Variants in PSMD3 observed in about 807,000 individuals in gnomAD.
PSMD3 encodes 26S proteasome non-ATPase regulatory subunit 3.
Under a neutral mutation model 62.8 loss-of-function variants are expected in PSMD3, and 5 were observed. The ratio of observed to expected loss-of-function variants is 0.08; its 90% CI spans 0.04 to 0.17. The LOEUF is 0.17. Among genes scored for constraint, PSMD3 ranks in the 10% least tolerant of loss-of-function variants. The pLI is 1.00. For missense variants in PSMD3, 524 were observed against 713.6 expected (o/e 0.73, Z 3.03); for synonymous variants, 265 against 283.9 (o/e 0.93, Z 0.67).
chr17:39,988,889 T>G, intron 4 of PSMD3, 70 bp downstream of exon 4: 1 of 1,572,214 alleles, frequency 6.4e-7, no homozygotes, highest in South Asian at 1.1e-5. Context: ...AGCACACAGC[T>G]GTGGATCTGC....
intron 6 of PSMD3, among the ~76,000 whole-genome samples, chr17:39,992,776 G>A (rs576295138): frequency 1.3e-5 from 1 of 76,984 alleles, no homozygotes; most frequent in Non-Finnish European, 3.7e-5. Context: ...TCTCTCAGGC[G>A]GCCGTTCCTG....
At position 39,990,126 on chromosome 17, in the gene PSMD3, G is replaced by A; in HGVS notation, c.910G>A (p.Glu304Lys). The A allele has an allele frequency of 6.2e-7, 1 of 1,614,002 alleles. No individual in the cohort carries two copies. Among genetic ancestry groups the A allele is most frequent in the Non-Finnish European group, 8.5e-7 (1 of 1,179,992 alleles). Residue 304 changes from glutamate to lysine, a missense_variant, in exon 6 of 12, where the codon GAG becomes AAG. Coordinates refer to ENST00000264639, the MANE Select transcript of PSMD3 (RefSeq NM_002809.4). Reference sequence around the variant, plus strand: ...CAAAGCCATCCAGCTGGAGTACTCAGAGGCCCGGAGAACGATGACCAACGC... The same window carrying A: ...CAAAGCCATCCAGCTGGAGTACTCAAAGGCCCGGAGAACGATGACCAACGC... ...RIKAIQLEYS[E>K]ARRTMTNALR... is the part of the protein sequence containing the mutation.
Position 39,980,907 on chromosome 17 carries a change from C to CGGG in PSMD3, c.-62_-61insGGG, listed in dbSNP as rs1568134951. The CGGG allele has an allele frequency of 1.4e-6, 2 of 1,380,448 alleles. No homozygotes were observed. Among genetic ancestry groups the CGGG allele is most frequent in the African/African-American group, 3.0e-5 (2 of 66,712 alleles). 85.5% of individuals were successfully genotyped at this position (1,380,448 alleles called of 1,614,324 possible). ...CAGGCCCGGCTCGGCTCCTGGTCCC[C>CGGG]GGTGCGAGGGTTAACGCGAGGCCCC... On this transcript the variant is annotated 5_prime_UTR_variant, in exon 1 of 12. Coordinates refer to ENST00000264639, the MANE Select transcript of PSMD3 (RefSeq NM_002809.4).
intron 2 of PSMD3, among the ~76,000 whole-genome samples, chr17:39,985,932 T>C (rs1980515373): frequency 6.6e-6 from 1 of 152,220 alleles, no homozygotes; most frequent in South Asian, 2.1e-4. Flanking sequence ...TCCAGTAGTA[T>C]TTGCAGTGGA....
chr17:39,986,778 G>T, intron 3 of PSMD3, 66 bp downstream of exon 3: 3 of 1,556,580 alleles, frequency 1.9e-6, no homozygotes, highest in Non-Finnish European at 2.6e-6. Context: ...GCGGGGAGAT[G>T]GTCCCTGGTG....
chr17:39,984,497 G>A lies in PSMD3; in HGVS notation c.411+13G>A. On this transcript the variant is annotated intron_variant, in intron 2 of 11. Transcript: ENST00000264639. ...CTTCCTGGAAGAGGTGAGTGAGTCA[G>A]GCCAACTTAAAGGGTGCAGGCCTGG... 1 of 1,605,432 alleles carries A rather than the reference G, an allele frequency of 6.2e-7. No individual in the cohort carries two copies. Among genetic ancestry groups the A allele is most frequent in the Non-Finnish European group, 8.5e-7 (1 of 1,173,952 alleles).
chr17:39,997,764 T>TCC lies in PSMD3; in HGVS notation c.*183_*184insCC, dbSNP rs750169932. The TCC allele has an allele frequency of 5.7e-5, 40 of 697,232 alleles. No homozygotes were observed. In the East Asian group the frequency reaches 1.0e-3, roughly 18 times the overall value. The allele number at this position is 697,232 out of a possible 1,614,324, so 43.2% of individuals were successfully genotyped here. A position where few individuals can be genotyped will look rare whatever the true frequency, so the allele number is the denominator to read the frequency against. On this transcript the variant is annotated 3_prime_UTR_variant, in exon 12 of 12. Coordinates refer to ENST00000264639, the MANE Select transcript of PSMD3 (RefSeq NM_002809.4). ...CCAGGGCTCCTCCCCAGCCGGTGACTTACTGTACAGCAGGCAGGAGGGTGG... is the reference window on the plus strand; with the variant it reads ...CCAGGGCTCCTCCCCAGCCGGTGACTCCTACTGTACAGCAGGCAGGAGGGTGG...
intron 1 of PSMD3, among the ~76,000 whole-genome samples, 174 bp downstream of exon 1, chr17:39,981,364 C>T (rs985081108): frequency 1.3e-5 from 2 of 152,214 alleles, no homozygotes; most frequent in Non-Finnish European, 2.9e-5. Flanking sequence ...AATGACTGAA[C>T]CTTCTCTCCA....
chr17:39,992,749 C>T (rs1171533987), intron 6 of PSMD3, among the ~76,000 whole-genome samples: 3 of 150,704 alleles, frequency 2.0e-5, no homozygotes, highest in African/African-American at 7.3e-5. Flanking sequence ...AAGAAAACCC[C>T]CAGCCCTGCT....
At chr17:39,992,546 C>G (rs1980682924) in intron 6 of PSMD3, among the ~76,000 whole-genome samples, 1 of 152,222 alleles carries the variant, frequency 6.6e-6, no homozygotes, top group Non-Finnish European at 1.5e-5. Flanking sequence ...CTGGCTCATC[C>G]TGTTCAAAGC....
In PSMD3 at chr17:39,986,570, C is replaced by T. The variant is rs1385816838; in HGVS notation, c.412-5C>T. ...TTTTCCATGGTAACTTCTGTCCTCTCCTAGCCCATGGACACAGAGGCTGAT... is the reference window on the plus strand; with the variant it reads ...TTTTCCATGGTAACTTCTGTCCTCTTCTAGCCCATGGACACAGAGGCTGAT... On this transcript the variant is annotated splice_region_variant and splice_polypyrimidine_tract_variant and intron_variant, in intron 2 of 11. Coordinates refer to ENST00000264639, the MANE Select transcript of PSMD3 (RefSeq NM_002809.4). 9 of 1,614,088 alleles carry T rather than the reference C, an allele frequency of 5.6e-6. No homozygotes were observed. The highest frequency in any genetic ancestry group is 1.3e-5 in the African/African-American group (1 of 74,934).
chr17:39,996,859 T>TG lies in PSMD3; in HGVS notation c.1477-471_1477-470insG, dbSNP rs1980796752. The TG allele has an allele frequency of 4.5e-6, 2 of 447,824 alleles. No individual in the cohort carries two copies. Among genetic ancestry groups the TG allele is most frequent in the Admixed American group, 5.0e-5 (2 of 40,024 alleles). The allele number at this position is 447,824 out of a possible 1,614,324, so 27.7% of individuals were successfully genotyped here. The stretch of plus-strand genomic sequence containing the variant: ...TTACTATTTGCTTGCCATGTTTTTT[T>TG]CTGGTCTCCTCCGAGGAAACTAGGA... On this transcript the variant is annotated intron_variant, in intron 10 of 11. Coordinates refer to ENST00000264639, the MANE Select transcript of PSMD3 (RefSeq NM_002809.4). This position sits in a 1 kb window ranked among gnomAD's most constrained non-coding sequence, Gnocchi z 5.1.
At position 39,988,779 on chromosome 17, in the gene PSMD3, C is replaced by G. The variant is rs747385961; in HGVS notation, c.646C>G (p.Arg216Gly). The part of the protein sequence containing the change: ...VAAKCYYYHA[R>G]VYEFLDKLDV... ...CGCAAAGTGTTACTATTATCACGCC[C>G]GGGTCTATGAGTTCCTGGACAAGCT... Residue 216 changes from arginine to glycine, a missense_variant, in exon 4 of 12, where the codon CGG (arginine) becomes GGG (glycine). Physicochemically the swap from Arg to Gly is moderately radical, Grantham distance 125. This residue lies in a region of PSMD3 where 396 missense variants were observed against 475.8 expected (regional missense o/e 0.83). Coordinates refer to ENST00000264639, the MANE Select transcript of PSMD3 (RefSeq NM_002809.4). 6.2e-7 allele frequency: 1 copy of G among 1,613,980 alleles called. No homozygotes were observed. Among genetic ancestry groups the G allele is most frequent in the African/African-American group, 1.3e-5 (1 of 74,904 alleles).
At chr17:39,981,288 C>G (rs890084938) in intron 1 of PSMD3, 98 bp downstream of exon 1, 65 of 1,518,832 alleles carry the variant, frequency 4.3e-5, no homozygotes, top group Non-Finnish European at 5.4e-5. Context: ...CTCCACCACC[C>G]TCAGTTCTTT....
intron 4 of PSMD3, among the ~76,000 whole-genome samples, chr17:39,989,222 T>C (rs1598313220): frequency 1.3e-5 from 2 of 152,294 alleles, no homozygotes; most frequent in East Asian, 3.9e-4. Context: ...CCTCCCAGAC[T>C]TCACCTCCTC....
intron 1 of PSMD3, among the ~76,000 whole-genome samples, chr17:39,983,310 G>A (rs1021772311): frequency 6.6e-6 from 1 of 152,134 alleles, no homozygotes; most frequent in Non-Finnish European, 1.5e-5. Flanking sequence ...GGGATTACAG[G>A]CGTGAGCCAC....
chr17:39,981,632 G>C lies in PSMD3; in HGVS notation c.220+442G>C, dbSNP rs112460472. On this transcript the variant is annotated intron_variant, in intron 1 of 11. Transcript: ENST00000264639. Reference sequence around the variant, plus strand: ...TCCTGAGTTTTAAAACTGTACAGCAGATTTTTGTTGTCCTAGCTGCCTTTA... The same window carrying C: ...TCCTGAGTTTTAAAACTGTACAGCACATTTTTGTTGTCCTAGCTGCCTTTA... 3.8e-3 allele frequency among the ~76,000 whole-genome samples: 580 copies of C among 152,290 alleles called. 2 individuals carry two copies. The highest frequency in any genetic ancestry group is 6.0e-3 in the Non-Finnish European group (408 of 68,020).
rs1360388063 is a variant in PSMD3 at position 39,988,718 on chromosome 17, C to T, written c.585C>T (p.Ile195=). The T allele has an allele frequency of 6.2e-7, 1 of 1,614,194 alleles. No homozygotes were observed. The highest frequency in any genetic ancestry group is 2.2e-5 in the East Asian group (1 of 44,888). Residue 195 remains isoleucine, a synonymous_variant, in exon 4 of 12, where the codon ATC becomes ATT. Transcript: ENST00000264639. The part of the protein sequence containing the change: ...QKISDDLMQK[I]STQNRRALDL... The stretch of plus-strand genomic sequence containing the variant: ...TCTCTGATGATCTGATGCAGAAGAT[C>T]AGTACTCAGAACCGCCGGGCCCTAG...
chr17:39,984,600 C>A, intron 2 of PSMD3, 116 bp downstream of exon 2: 1 of 968,124 alleles, frequency 1.0e-6, no homozygotes, highest in Non-Finnish European at 1.5e-6. Context: ...AGGAGAGAAG[C>A]CAAAGCAGTC....
Sources: gnomAD v4.1 joint callset for allele counts (sites outside exome capture counted in the v4.1 genomes callset) on GRCh38, gnomAD v4.1.1 for gene constraint, gnomAD v4.1.1 regional missense constraint, Gnocchi (gnomAD v3.1) non-coding constraint, MANE v1.5 for transcripts, NCBI Gene and HGNC (gene_info 2026-07-23, HGNC 2026-07-21) for gene names.